Variants in GFPT1 observed in about 807,000 individuals in gnomAD.
The protein encoded by GFPT1 is glutamine--fructose-6-phosphate transaminase 1.
In GFPT1, 40 loss-of-function variants were observed where a neutral mutation model predicts 92.0. That is an observed-to-expected ratio of 0.43 (90% CI 0.34 to 0.57). The LOEUF (loss-of-function observed/expected upper bound fraction) is 0.57. Ranked by LOEUF, GFPT1 falls within the 20% of genes least tolerant of loss-of-function variation. The pLI, the probability that GFPT1 is intolerant of heterozygous loss-of-function variation, is 0.02. For missense variants in GFPT1, 448 were observed against 869.1 expected (o/e 0.52, Z 6.09); for synonymous variants, 269 against 280.6 (o/e 0.96, Z 0.41).
chr2:69,329,867 T>A, intron 15 of GFPT1, 69 bp from the exon 16 acceptor site: 4 of 860,390 alleles, frequency 4.6e-6, no homozygotes, highest in Non-Finnish European at 8.1e-6. Context: ...CTTTTAATTT[T>A]AAAAAGCTGA....
At chr2:69,386,682 GGTTCC>G (rs1451915065) in intron 1 of GFPT1, among the ~76,000 whole-genome samples, 1 of 152,124 alleles carries the variant, frequency 6.6e-6, no homozygotes, top group Admixed American at 6.6e-5. Context: ...CCTCGCCCGA[GGTTCC>G]ACAGGTTTCC....
At chr2:69,385,759 A>C (rs1030890601) in intron 1 of GFPT1, among the ~76,000 whole-genome samples, 1 of 152,138 alleles carries the variant, frequency 6.6e-6, no homozygotes, top group African/African-American at 2.4e-5. Context: ...TAGACACTGC[A>C]AAAGTCTGAT....
chr2:69,344,403 T>C (rs1184672968), intron 12 of GFPT1, among the ~76,000 whole-genome samples: 2 of 152,124 alleles, frequency 1.3e-5, no homozygotes, highest in Non-Finnish European at 2.9e-5. Context: ...GAGAAAAGCC[T>C]GATCCCTTTT....
chr2:69,337,907 G>C lies in GFPT1; in HGVS notation c.1473C>G (p.Ala491=). 8.1e-6 allele frequency: 13 copies of C among 1,613,198 alleles called. No individual in the cohort carries two copies. The highest frequency in any genetic ancestry group is 1.1e-5 in the Non-Finnish European group (13 of 1,179,310). Residue 491 remains alanine, a synonymous_variant, in exon 15 of 20, where the codon GCC becomes GCG. Coordinates refer to ENST00000357308, the MANE Select transcript of GFPT1 (RefSeq NM_001244710.2). ...HINAGPEIGV[A]STKAYTSQFV... is the part of the protein sequence containing the mutation. ...TGAGTCAAGAATTTACCTTTGTACT[G>C]GCCACACCAATCTCAGGACCAGCAT...
At position 69,326,142 on chromosome 2, in the gene GFPT1, T is replaced by C. The variant is rs772408871; in HGVS notation, c.*47A>G. On this transcript the variant is annotated 3_prime_UTR_variant, in exon 20 of 20. Coordinates refer to ENST00000357308, the MANE Select transcript of GFPT1 (RefSeq NM_001244710.2). ...CAAGGTTTTAAATACAAAAGGTGTC[T>C]TGTGTTGCTTAATCATACAGTTTCG... 2.4e-6 allele frequency: 3 copies of C among 1,250,820 alleles called. No individual in the cohort carries two copies. The South Asian group carries it at 3.7e-5, about 15-fold the overall frequency. 77.5% of individuals were successfully genotyped at this position (1,250,820 alleles called of 1,614,324 possible). A position where few individuals can be genotyped will look rare whatever the true frequency, so the allele number is the denominator to read the frequency against.
At chr2:69,337,658 C>T (rs956055474) in intron 15 of GFPT1, among the ~76,000 whole-genome samples, 2 of 152,100 alleles carry the variant, frequency 1.3e-5, no homozygotes, top group African/African-American at 4.8e-5. Context: ...ATACATAAGT[C>T]CCTTTTAAAC....
At chr2:69,342,327 C>T (rs1670972567) in intron 12 of GFPT1, 78 bp from the exon 13 acceptor site, 1 of 842,204 alleles carries the variant, frequency 1.2e-6, no homozygotes, top group African/African-American at 1.7e-5. Flanking sequence ...TGAGTATCCA[C>T]TGCCAATATG....
At chr2:69,353,997 A>C (rs1671274081) in intron 9 of GFPT1, among the ~76,000 whole-genome samples, 1 of 152,218 alleles carries the variant, frequency 6.6e-6, no homozygotes, top group South Asian at 2.1e-4. Context: ...TTTAAAACAA[A>C]GGAAAAAATA....
At position 69,325,897 on chromosome 2, in the gene GFPT1, G is replaced by A. The variant is rs753140594; in HGVS notation, c.*292C>T. The A allele has an allele frequency of 2.2e-5, 7 of 317,902 alleles. No homozygotes were observed. The Admixed American group carries it at 3.2e-4, about 14-fold the overall frequency. 19.7% of individuals were successfully genotyped at this position (317,902 alleles called of 1,614,324 possible). A position where few individuals can be genotyped will look rare whatever the true frequency, so the allele number is the denominator to read the frequency against. On this transcript the variant is annotated 3_prime_UTR_variant, in exon 20 of 20. Coordinates refer to ENST00000357308, the MANE Select transcript of GFPT1 (RefSeq NM_001244710.2). Reference sequence around the variant, plus strand: ...ATTGTCTTCTCAGATTGAAGTGGAGGGTCCAGAAATGCAACACCCAGCATT... The same window carrying A: ...ATTGTCTTCTCAGATTGAAGTGGAGAGTCCAGAAATGCAACACCCAGCATT...
intron 15 of GFPT1, chr2:69,334,815 G>A (rs1472956709): frequency 6.6e-6 from 1 of 152,202 alleles, no homozygotes; most frequent in East Asian, 1.9e-4. Context: ...TAGTTCCTGA[G>A]TATGAGGCTG....
intron 13 of GFPT1, among the ~76,000 whole-genome samples, chr2:69,339,952 C>T (rs1421442709): frequency 6.6e-6 from 1 of 151,860 alleles, no homozygotes; most frequent in Non-Finnish European, 1.5e-5. Context: ...GTAAACCAAA[C>T]CTTTTCACCC....
Position 69,326,362 on chromosome 2 carries a change from T to G in GFPT1, c.2056-129A>C, listed in dbSNP as rs930009405. 31 of 667,708 alleles carry G rather than the reference T, an allele frequency of 4.6e-5. No individual in the cohort carries two copies. In the African/African-American group the frequency reaches 5.6e-4, roughly 12 times the overall value. 41.4% of individuals were successfully genotyped at this position (667,708 alleles called of 1,614,324 possible). A position where few individuals can be genotyped will look rare whatever the true frequency, so the allele number is the denominator to read the frequency against. On this transcript the variant is annotated intron_variant, in intron 19 of 19. Coordinates refer to ENST00000357308, the MANE Select transcript of GFPT1 (RefSeq NM_001244710.2). The stretch of plus-strand genomic sequence containing the variant: ...CAATACATTCATTAACCATCTTTAT[T>G]ACAGACTACAAAGAATTAGATTAGA...
chr2:69,369,819 G>A (rs1671698686), intron 3 of GFPT1, among the ~76,000 whole-genome samples, 182 bp downstream of exon 3: 1 of 152,082 alleles, frequency 6.6e-6, no homozygotes, highest in African/African-American at 2.4e-5. Context: ...TCAGGCTCAG[G>A]TACATTTTAA....
chr2:69,331,861 T>C (rs1558731258), intron 15 of GFPT1, among the ~76,000 whole-genome samples: 1 of 152,190 alleles, frequency 6.6e-6, no homozygotes, highest in Non-Finnish European at 1.5e-5. Context: ...AATACAATAC[T>C]ATTCTCTAAA....
At chr2:69,370,293 CAAAAAT>C (rs960998819) in intron 2 of GFPT1, among the ~76,000 whole-genome samples, 185 bp from the exon 3 acceptor site, 10 of 152,160 alleles carry the variant, frequency 6.6e-5, no homozygotes, top group African/African-American at 2.2e-4. Flanking sequence ...GACACAAAAA[CAAAAAT>C]AACTCCATTC....
chr2:69,386,406 A>G (rs1220696608), intron 1 of GFPT1, among the ~76,000 whole-genome samples: 1 of 152,258 alleles, frequency 6.6e-6, no homozygotes, highest in Admixed American at 6.5e-5. Context: ...GGCATTTTTA[A>G]TGGGTGCACA....
intron 4 of GFPT1, among the ~76,000 whole-genome samples, chr2:69,361,443 T>C (rs1490876096): frequency 4.2e-5 from 4 of 94,882 alleles, no homozygotes; most frequent in South Asian, 3.7e-4. Flanking sequence ...GCGAGATTCC[T>C]TCTCAAAAAA....
chr2:69,336,663 C>T lies in GFPT1; in HGVS notation c.1482+1235G>A, dbSNP rs181751183. ...AAAAAAAAAAAAAACTAGCCTGGTGCATCTGCAGTCCCAGCCACTCAGGAA... is the reference window on the plus strand; with the variant it reads ...AAAAAAAAAAAAAACTAGCCTGGTGTATCTGCAGTCCCAGCCACTCAGGAA... On this transcript the variant is annotated intron_variant, in intron 15 of 19. Coordinates refer to ENST00000357308, the MANE Select transcript of GFPT1 (RefSeq NM_001244710.2). 4.6e-3 allele frequency among the ~76,000 whole-genome samples: 697 copies of T among 150,566 alleles called. 8 individuals carry two copies. The highest frequency in any genetic ancestry group is 0.011 in the Admixed American group (172 of 15,118).
chr2:69,382,844 G>C (rs1225087093), intron 1 of GFPT1, among the ~76,000 whole-genome samples: 1 of 152,092 alleles, frequency 6.6e-6, no homozygotes, highest in African/African-American at 2.4e-5. Context: ...CCAAACCCCA[G>C]AGCTCTCCAG....
Sources: allele counts gnomAD v4.1 joint callset (sites outside exome capture counted in the v4.1 genomes callset), GRCh38; gene constraint gnomAD v4.1.1; transcripts MANE v1.5; gene names NCBI Gene and HGNC (gene_info 2026-07-23, HGNC 2026-07-21).